SLC24A3: variants seen among roughly 807,000 people sequenced by gnomAD.
SLC24A3 encodes the protein solute carrier family 24 member 3, also known as sodium/potassium/calcium exchanger 3.
Under a neutral mutation model 75.8 loss-of-function variants are expected in SLC24A3, and 28 were observed. The ratio of observed to expected loss-of-function variants is 0.37; its 90% CI spans 0.27 to 0.51. The LOEUF (loss-of-function observed/expected upper bound fraction) is 0.51. Ranked by LOEUF, SLC24A3 falls within the 20% of genes least tolerant of loss-of-function variation. The probability of loss-of-function intolerance (pLI) is 0.94; values close to 1 mark genes in which losing one functional copy is unlikely to be tolerated. For synonymous variants in SLC24A3, 372 were observed against 334.1 expected (o/e 1.11, Z -1.24); for missense variants, 663 against 847.8 (o/e 0.78, Z 2.71).
chr20:19,287,375 A>G (rs1456052253), intron 2 of SLC24A3, among the ~76,000 whole-genome samples: 1 of 152,218 alleles, frequency 6.6e-6, no homozygotes. Context: ...ACAACCTCTA[A>G]CCTCAAGGGA....
At position 19,351,635 on chromosome 20, in the gene SLC24A3, A is replaced by G. The variant is rs147785012; in HGVS notation, c.271+70548A>G. Among the ~76,000 whole-genome samples, 177 of 152,216 alleles carry G rather than the reference A, an allele frequency of 1.2e-3. 2 individuals are homozygous for G. The highest frequency in any genetic ancestry group is 2.7e-3 in the Admixed American group (41 of 15,286). On this transcript the variant is annotated intron_variant, in intron 2 of 16. Transcript: ENST00000328041. Reference sequence around the variant, plus strand: ...TCCCCTAGGACTCCTTTCCTGGGGTATCTGTCAGCATCTTTTATCGATAGT... The same window carrying G: ...TCCCCTAGGACTCCTTTCCTGGGGTGTCTGTCAGCATCTTTTATCGATAGT...
At chr20:19,370,943 C>T (rs1200871006) in intron 2 of SLC24A3, among the ~76,000 whole-genome samples, 1 of 152,142 alleles carries the variant, frequency 6.6e-6, no homozygotes, top group Non-Finnish European at 1.5e-5. Context: ...TTTTGATCCT[C>T]ATTGGAAGAT....
chr20:19,585,695 A>C, intron 6 of SLC24A3, 151 bp downstream of exon 6: 1 of 679,710 alleles, frequency 1.5e-6, no homozygotes, highest in South Asian at 2.0e-5. Context: ...ACATCCCAGG[A>C]GGCTGGCCCA....
chr20:19,658,375 C>T (rs2032288885), intron 7 of SLC24A3, among the ~76,000 whole-genome samples: 1 of 152,170 alleles, frequency 6.6e-6, no homozygotes, highest in East Asian at 1.9e-4. Flanking sequence ...ACCACAGGAG[C>T]AGGAAGCGCA....
intron 12 of SLC24A3, among the ~76,000 whole-genome samples, chr20:19,688,331 A>G (rs2032704076): frequency 6.6e-6 from 1 of 152,216 alleles, no homozygotes; most frequent in Non-Finnish European, 1.5e-5. Context: ...AAGATGCGGG[A>G]AAGCCTGATT....
intron 2 of SLC24A3, among the ~76,000 whole-genome samples, chr20:19,496,574 T>A (rs774315040): frequency 2.6e-5 from 4 of 152,194 alleles, no homozygotes; most frequent in Non-Finnish European, 5.9e-5. Context: ...GTGTGGCTCC[T>A]GAGTTAGCCT....
chr20:19,451,116 C>A (rs1987472897), intron 2 of SLC24A3, among the ~76,000 whole-genome samples: 1 of 152,176 alleles, frequency 6.6e-6, no homozygotes, highest in South Asian at 2.1e-4. Context: ...ATTTATGGAA[C>A]TTATGATTTA....
At chr20:19,362,609 C>T (rs1028762513) in intron 2 of SLC24A3, among the ~76,000 whole-genome samples, 1 of 152,174 alleles carries the variant, frequency 6.6e-6, no homozygotes, top group Non-Finnish European at 1.5e-5. Context: ...ATTGGTTTAT[C>T]GTTTCCCAGA....
chr20:19,362,090 C>T (rs1294114814), intron 2 of SLC24A3, among the ~76,000 whole-genome samples: 4 of 152,162 alleles, frequency 2.6e-5, no homozygotes, highest in Non-Finnish European at 5.9e-5. Flanking sequence ...GGAAATTTTC[C>T]ATTAAAAATA....
In SLC24A3 at chr20:19,346,250, A is replaced by G. The variant is rs560217532; in HGVS notation, c.271+65163A>G. On this transcript the variant is annotated intron_variant, in intron 2 of 16. Coordinates refer to ENST00000328041, the MANE Select transcript of SLC24A3 (RefSeq NM_020689.4). Reference sequence around the variant, plus strand: ...TATATGGTATATATATATGGTGTATATATATATGGTATATATATATGGTGT... The same window carrying G: ...TATATGGTATATATATATGGTGTATGTATATATGGTATATATATATGGTGT... Among the ~76,000 whole-genome samples, 21 of 118,066 alleles carry G rather than the reference A, an allele frequency of 1.8e-4. 3 individuals carry two copies. Among genetic ancestry groups the G allele is most frequent in the Non-Finnish European group, 2.8e-4 (17 of 60,750 alleles). 77.5% of individuals were successfully genotyped at this position (118,066 alleles called of 152,430 possible). A position where few individuals can be genotyped will look rare whatever the true frequency, so the allele number is the denominator to read the frequency against.
chr20:19,485,554 C>T (rs981136860), intron 2 of SLC24A3, among the ~76,000 whole-genome samples: 2 of 152,176 alleles, frequency 1.3e-5, no homozygotes, highest in Non-Finnish European at 2.9e-5. Flanking sequence ...TTCATTCCTT[C>T]TTATCCTTTT....
chr20:19,673,458 G>A, intron 8 of SLC24A3, 143 bp from the exon 9 acceptor site: 1 of 679,280 alleles, frequency 1.5e-6, no homozygotes, highest in South Asian at 1.8e-5. Flanking sequence ...AATGTCTCTA[G>A]ACCAGGAAAT....
chr20:19,669,174 C>T lies in SLC24A3; in HGVS notation c.713+3285C>T, dbSNP rs139245484. Among the ~76,000 whole-genome samples the T allele has an allele frequency of 3.7e-3, 565 of 152,198 alleles. 5 individuals carry two copies. Among genetic ancestry groups the T allele is most frequent in the African/African-American group, 0.013 (520 of 41,526 alleles). On this transcript the variant is annotated intron_variant, in intron 8 of 16. Transcript: ENST00000328041. ...CAGGGGAATAGTGGTGAGTGCTCTT[C>T]GGTTAGGTGCCTATGTGCTAAAAGA...
chr20:19,680,124 GTGTGTCTGTGTGTGTC>G (rs1443808757), intron 9 of SLC24A3, among the ~76,000 whole-genome samples: 2 of 150,086 alleles, frequency 1.3e-5, no homozygotes, highest in African/African-American at 4.9e-5. Context: ...GTGTCTGTGT[GTGTGTCTGTGTGTGTC>G]TCTGTGTGTG....
intron 2 of SLC24A3, among the ~76,000 whole-genome samples, chr20:19,297,333 T>G (rs1369818760): frequency 1.3e-5 from 2 of 152,234 alleles, no homozygotes; most frequent in Non-Finnish European, 2.9e-5. Context: ...CCATGAGTTC[T>G]GACATATAGT....
At chr20:19,616,910 C>T (rs1029056641) in intron 6 of SLC24A3, among the ~76,000 whole-genome samples, 2 of 152,100 alleles carry the variant, frequency 1.3e-5, no homozygotes, top group Admixed American at 6.5e-5. Context: ...GCAGATGCCC[C>T]GAGTTCTCCG....
intron 1 of SLC24A3, among the ~76,000 whole-genome samples, chr20:19,222,785 CT>C (rs1981757314): frequency 8.0e-6 from 1 of 125,418 alleles, no homozygotes; most frequent in African/African-American, 3.2e-5. Flanking sequence ...CCCTCCCTCC[CT>C]TCCTTCCTTC....
At chr20:19,603,466 A>G (rs1242665943) in intron 6 of SLC24A3, among the ~76,000 whole-genome samples, 2 of 152,188 alleles carry the variant, frequency 1.3e-5, no homozygotes, top group South Asian at 2.1e-4. Flanking sequence ...TCACGTATCA[A>G]GTGGGACAAT....
intron 2 of SLC24A3, among the ~76,000 whole-genome samples, chr20:19,465,400 T>TTA (rs3058636): frequency 2.0e-5 from 3 of 150,598 alleles, no homozygotes; most frequent in South Asian, 4.2e-4. Flanking sequence ...TTTTTTTTTT[T>TTA]ATCAAAACAC....
Sources: allele counts gnomAD v4.1 joint callset (sites outside exome capture counted in the v4.1 genomes callset), GRCh38; gene constraint gnomAD v4.1.1; transcripts MANE v1.5; gene names NCBI Gene and HGNC (gene_info 2026-07-23, HGNC 2026-07-21).